Variants in DLGAP4 observed in about 807,000 individuals in gnomAD.
DLGAP4 encodes the protein DLG associated protein 4, also known as disks large-associated protein 4.
Under a neutral mutation model 86.9 loss-of-function variants are expected in DLGAP4, and 18 were observed. The ratio of observed to expected loss-of-function variants is 0.21; its 90% CI spans 0.14 to 0.31. The LOEUF is 0.31. DLGAP4 is among the 10% of genes least tolerant of loss of function. The probability of loss-of-function intolerance (pLI) is 1.00; values close to 1 mark genes in which losing one functional copy is unlikely to be tolerated. For synonymous variants in DLGAP4, 548 were observed against 574.3 expected, an observed-to-expected ratio of 0.95 and a Z score of 0.65; for missense variants, 1,085 against 1,362.6, an observed-to-expected ratio of 0.80 and a Z score of 3.21.
At chr20:36,436,842 A>T (rs909126412) in intron 4 of DLGAP4, among the ~76,000 whole-genome samples, 13 of 151,600 alleles carry the variant, frequency 8.6e-5, no homozygotes, top group African/African-American at 3.1e-4. Flanking sequence ...AAGAAAGAAA[A>T]AGAAAAGCCC....
chr20:36,446,729 G>A lies in DLGAP4; in HGVS notation c.1440G>A (p.Glu480=). The change falls in exon 7 of 13, where the codon GAG becomes GAA. Residue 480 remains glutamate, a synonymous_variant. Coordinates refer to ENST00000339266, the MANE Select transcript of DLGAP4 (RefSeq NM_001365621.2). ...VREAELSDQY[E]AACESACSEA... ...AGGCAGAGCTGAGTGACCAGTATGA[G>A]GCGGCCTGCGAGTCAGCCTGCAGTG... 3 of 1,611,464 alleles carry A rather than the reference G, an allele frequency of 1.9e-6. No homozygotes were observed. Among genetic ancestry groups the A allele is most frequent in the Admixed American group, 1.7e-5 (1 of 59,956 alleles).
At chr20:36,461,598 C>CGCCCGGG (rs1569506502) in intron 7 of DLGAP4, 1 of 954,052 alleles carries the variant, frequency 1.0e-6, no homozygotes, top group African/African-American at 1.8e-5. Context: ...TCAGCCCGGA[C>CGCCCGGG]GCCCGGGGCC....
chr20:36,474,441 A>G (rs1037106592), intron 7 of DLGAP4, among the ~76,000 whole-genome samples: 1 of 152,214 alleles, frequency 6.6e-6, no homozygotes. Context: ...TTCTCTCTGC[A>G]GGGTCATCAC....
intron 1 of DLGAP4, among the ~76,000 whole-genome samples, chr20:36,361,081 C>T (rs975835102): frequency 2.6e-5 from 4 of 151,834 alleles, no homozygotes; most frequent in Admixed American, 6.6e-5. Flanking sequence ...GGAACAGCCA[C>T]ATCTCAGAGC....
Position 36,431,698 on chromosome 20 carries a change from C to G in DLGAP4, c.-20C>G, listed in dbSNP as rs768069406. ...CGGGCGCCCTGCTAGGGTGAAGGCC[C>G]CTGCCCTCGGCCCGGGATCATGAAA... On this transcript the variant is annotated 5_prime_UTR_variant, in exon 3 of 13. Coordinates refer to ENST00000339266, the MANE Select transcript of DLGAP4 (RefSeq NM_001365621.2). This position sits in a 1 kb window ranked among gnomAD's most constrained non-coding sequence, Gnocchi z 5.1. 3.2e-6 allele frequency: 5 copies of G among 1,565,870 alleles called. No homozygotes were observed. In the African/African-American group the frequency reaches 5.4e-5, roughly 17 times the overall value.
At position 36,314,253 on chromosome 20, in the gene DLGAP4, A is replaced by C. The variant is rs1012914176; in HGVS notation, c.-304+7741A>C. Among the ~76,000 whole-genome samples the C allele has an allele frequency of 2.0e-5, 3 of 149,798 alleles. No homozygotes were observed. The East Asian group carries it at 6.1e-4, about 30-fold the overall frequency. On this transcript the variant is annotated intron_variant, in intron 1 of 12. Transcript: ENST00000339266. Reference sequence around the variant, plus strand: ...TCCAACCCTCATAGATCTGGTTCACAGGGGACTCTGGGAGAGTGCAGGCGG... The same window carrying C: ...TCCAACCCTCATAGATCTGGTTCACCGGGGACTCTGGGAGAGTGCAGGCGG...
intron 10 of DLGAP4, among the ~76,000 whole-genome samples, chr20:36,511,672 C>T (rs768905047): frequency 4.0e-5 from 6 of 151,808 alleles, no homozygotes; most frequent in Non-Finnish European, 7.4e-5. Context: ...GTCAGGAGCT[C>T]GAGACCAGCC....
At chr20:36,480,456 G>C (rs1484048862) in intron 7 of DLGAP4, among the ~76,000 whole-genome samples, 3 of 152,186 alleles carry the variant, frequency 2.0e-5, no homozygotes, top group Admixed American at 2.0e-4. Context: ...TGTAATCCCA[G>C]CACTTGGAAG....
Position 36,499,692 on chromosome 20 carries a change from G to A in DLGAP4, c.2099+16G>A. ...ACGACTGGCGGTAAGTCGGACAGAG[G>A]TGGCGGCTGCTTCTCCCCTCTCCTC... On this transcript the variant is annotated intron_variant, in intron 9 of 12. Coordinates refer to ENST00000339266, the MANE Select transcript of DLGAP4 (RefSeq NM_001365621.2). 1 of 1,609,606 alleles carries A rather than the reference G, an allele frequency of 6.2e-7. No homozygotes were observed. Among genetic ancestry groups the A allele is most frequent in the Non-Finnish European group, 8.5e-7 (1 of 1,177,700 alleles).
intron 7 of DLGAP4, among the ~76,000 whole-genome samples, chr20:36,493,843 C>G (rs941841298): frequency 6.6e-6 from 1 of 152,260 alleles, no homozygotes; most frequent in African/African-American, 2.4e-5. Context: ...CTCACAGGCT[C>G]TGAGGCTTAC....
chr20:36,497,343 C>A, intron 8 of DLGAP4: 1 of 1,307,624 alleles, frequency 7.6e-7, no homozygotes, highest in Non-Finnish European at 9.8e-7. Context: ...CAGCCATCTC[C>A]TGTCCACTGT....
chr20:36,403,510 G>T (rs141621342), intron 2 of DLGAP4, among the ~76,000 whole-genome samples: 3 of 152,240 alleles, frequency 2.0e-5, no homozygotes, highest in African/African-American at 7.2e-5. Context: ...AGAGGGCAAA[G>T]CTGGGGCCAA....
intron 8 of DLGAP4, chr20:36,499,105 G>A (rs1346877760): frequency 2.3e-6 from 2 of 859,804 alleles, no homozygotes; most frequent in Non-Finnish European, 3.6e-6. Flanking sequence ...CTGCCACAGG[G>A]TTCAGGGAGT....
At chr20:36,491,442 G>A (rs2035658606) in intron 7 of DLGAP4, among the ~76,000 whole-genome samples, 1 of 152,106 alleles carries the variant, frequency 6.6e-6, no homozygotes, top group Non-Finnish European at 1.5e-5. Flanking sequence ...GCTGAGAGGG[G>A]GTCAGGAGAA....
chr20:36,490,817 C>T (rs974247185), intron 7 of DLGAP4, among the ~76,000 whole-genome samples: 4 of 152,164 alleles, frequency 2.6e-5, no homozygotes, highest in Non-Finnish European at 4.4e-5. Context: ...TTGCTGTGTC[C>T]TCCGCATCCC....
intron 3 of DLGAP4, among the ~76,000 whole-genome samples, chr20:36,434,029 C>T (rs1470462052): frequency 3.3e-5 from 5 of 151,068 alleles, no homozygotes; most frequent in Admixed American, 2.0e-4. Context: ...CTGCAACCTC[C>T]GCCTCCTGGG....
At chr20:36,427,159 G>A (rs954959144) in intron 2 of DLGAP4, among the ~76,000 whole-genome samples, 4 of 152,062 alleles carry the variant, frequency 2.6e-5, no homozygotes, top group African/African-American at 7.3e-5. Flanking sequence ...CTCCAGCCTC[G>A]GCAACAGAGC....
chr20:36,340,468 C>G (rs1451236361), intron 1 of DLGAP4, among the ~76,000 whole-genome samples: 2 of 152,148 alleles, frequency 1.3e-5, no homozygotes, highest in East Asian at 3.9e-4. Flanking sequence ...AGTGGGTCGG[C>G]TCAGGCAGGA....
chr20:36,397,456 G>A (rs2032034009), intron 2 of DLGAP4, among the ~76,000 whole-genome samples: 1 of 152,208 alleles, frequency 6.6e-6, no homozygotes, highest in Non-Finnish European at 1.5e-5. Flanking sequence ...GGAGGCATAT[G>A]TGGAAATTGG....
Sources: gnomAD v4.1 joint callset for allele counts (sites outside exome capture counted in the v4.1 genomes callset) on GRCh38, gnomAD v4.1.1 for gene constraint, Gnocchi (gnomAD v3.1) non-coding constraint, MANE v1.5 for transcripts, NCBI Gene and HGNC (gene_info 2026-07-23, HGNC 2026-07-21) for gene names.